UPK3B: variants seen among roughly 807,000 people sequenced by gnomAD.
The protein encoded by UPK3B is uroplakin 3B.
A neutral mutation model predicts 27.6 loss-of-function variants in UPK3B; 21 were observed. That is an observed-to-expected ratio of 0.76 (90% CI 0.54 to 1.10). The LOEUF (loss-of-function observed/expected upper bound fraction) is 1.10. Among genes scored for constraint, UPK3B ranks in the 50% least tolerant of loss-of-function variants. The pLI is 0.00. For missense variants in UPK3B, 306 were observed against 376.1 expected, an observed-to-expected ratio of 0.81 and a Z score of 1.54; for synonymous variants, 141 against 162.3, an observed-to-expected ratio of 0.87 and a Z score of 1.00.
rs1363225630 is a variant in UPK3B at position 76,516,222 on chromosome 7, G to C, written c.*1018G>C. On this transcript the variant is annotated 3_prime_UTR_variant, in exon 6 of 6. Transcript: ENST00000334348. Reference sequence around the variant, plus strand: ...ATGCCACGTTGGCGGGGTCGGTGAAGGTCAGGACTCTAGGCCTCCCTCCGC... The same window carrying C: ...ATGCCACGTTGGCGGGGTCGGTGAACGTCAGGACTCTAGGCCTCCCTCCGC... 8 of 611,888 alleles carry C rather than the reference G, an allele frequency of 1.3e-5. 3 individuals carry two copies. Among genetic ancestry groups the C allele is most frequent in the Non-Finnish European group, 1.5e-5 (8 of 529,980 alleles). 37.9% of individuals were successfully genotyped at this position (611,888 alleles called of 1,614,324 possible). A position where few individuals can be genotyped will look rare whatever the true frequency, so the allele number is the denominator to read the frequency against.
intron 4 of UPK3B, among the ~76,000 whole-genome samples, chr7:76,513,600 G>A (rs1057501927): frequency 1.3e-5 from 2 of 152,070 alleles, no homozygotes; most frequent in Admixed American, 6.5e-5. Context: ...GGGGGTGGGG[G>A]TCTCCTGGGA....
chr7:76,513,282 G>A (rs1812599721), intron 4 of UPK3B, 119 bp downstream of exon 4: 1 of 967,788 alleles, frequency 1.0e-6, no homozygotes, highest in African/African-American at 1.6e-5. Flanking sequence ...CCATGTCCAA[G>A]TCGGGCCCAG....
At chr7:76,513,820 G>A (rs965590881) in intron 4 of UPK3B, 127 bp from the exon 5 acceptor site, 36 of 1,420,514 alleles carry the variant, frequency 2.5e-5, no homozygotes, top group Middle Eastern at 2.6e-4. Flanking sequence ...TCAGGGGGGC[G>A]CCTGGGGATA....
At position 76,515,305 on chromosome 7, in the gene UPK3B, T is replaced by G; in HGVS notation, c.*101T>G. 6.5e-7 allele frequency: 1 copy of G among 1,527,270 alleles called. No homozygotes were observed. Among genetic ancestry groups the G allele is most frequent in the Non-Finnish European group, 8.8e-7 (1 of 1,134,066 alleles). The allele number at this position is 1,527,270 out of a possible 1,614,324, so 94.6% of individuals were successfully genotyped here. A position where few individuals can be genotyped will look rare whatever the true frequency, so the allele number is the denominator to read the frequency against. ...ACCCACAGGCCCCCTCAGGGCTCCTTGCCTTTCCCCCCCACCAGCACACCC... is the reference window on the plus strand; with the variant it reads ...ACCCACAGGCCCCCTCAGGGCTCCTGGCCTTTCCCCCCCACCAGCACACCC... On this transcript the variant is annotated 3_prime_UTR_variant, in exon 6 of 6. Coordinates refer to ENST00000334348, the MANE Select transcript of UPK3B (RefSeq NM_001347684.2).
chr7:76,513,409 C>G (rs531999389), intron 4 of UPK3B, among the ~76,000 whole-genome samples: 6 of 152,186 alleles, frequency 3.9e-5, no homozygotes, highest in East Asian at 1.9e-4. Flanking sequence ...CAGCCTCCCC[C>G]CTCCTGTAGG....
Position 76,515,296 on chromosome 7 carries a change from A to G in UPK3B, c.*92A>G. ...AGCTCCTGCACCCACAGGCCCCCTC[A>G]GGGCTCCTTGCCTTTCCCCCCCACC... is the stretch of plus-strand genomic sequence containing the variant. On this transcript the variant is annotated 3_prime_UTR_variant, in exon 6 of 6. Transcript: ENST00000334348. 6.5e-7 allele frequency: 1 copy of G among 1,533,762 alleles called. No homozygotes were observed. The highest frequency in any genetic ancestry group is 2.2e-4 in the Middle Eastern group (1 of 4,620).
rs1470978445 is a variant in UPK3B, at chr7:76,511,657, C to G, written c.236C>G (p.Ala79Gly). 1 of 1,586,186 alleles carries G rather than the reference C, an allele frequency of 6.3e-7. No individual in the cohort carries two copies. Among genetic ancestry groups the G allele is most frequent in the Non-Finnish European group, 8.6e-7 (1 of 1,166,498 alleles). The change falls in exon 3 of 6, where the codon GCC (alanine) becomes GGC (glycine). Residue 79 changes from alanine to glycine, a missense_variant and splice_region_variant. By Grantham distance (60) the Ala-to-Gly change is moderately conservative. Coordinates refer to ENST00000334348, the MANE Select transcript of UPK3B (RefSeq NM_001347684.2). ...CTCCATCTGTTCTCTCCTCCTGCAG[C>G]CTCCAGGGGCTTCCAGAACCCGGAG... The part of the protein sequence containing the change: ...TVWLVVAFSN[A>G]SRGFQNPETL...
Position 76,510,566 on chromosome 7 carries a change from G to C in UPK3B, c.-87G>C. 6 of 1,278,362 alleles carry C rather than the reference G, an allele frequency of 4.7e-6. No homozygotes were observed. The highest frequency in any genetic ancestry group is 6.1e-6 in the Non-Finnish European group (6 of 986,552). The allele number at this position is 1,278,362 out of a possible 1,614,324, so 79.2% of individuals were successfully genotyped here. A position where few individuals can be genotyped will look rare whatever the true frequency, so the allele number is the denominator to read the frequency against. ...GCCCCTGGGGCAGCCTGATTAACCA[G>C]CTTCTCCAGGGCCAAGCTGTTGGGG... is the stretch of plus-strand genomic sequence containing the variant. On this transcript the variant is annotated 5_prime_UTR_variant, in exon 1 of 6. Coordinates refer to ENST00000334348, the MANE Select transcript of UPK3B (RefSeq NM_001347684.2).
intron 5 of UPK3B, 117 bp from the exon 6 acceptor site, chr7:76,514,928 A>AAGAG (rs1295905557): frequency 2.0e-4 from 242 of 1,225,880 alleles, no homozygotes; most frequent in Admixed American, 3.2e-4. Flanking sequence ...AAAAAAAGAA[A>AAGAG]AGAGAGAGAG....
At chr7:76,513,335 AG>A (rs1305181906) in intron 4 of UPK3B, among the ~76,000 whole-genome samples, 172 bp downstream of exon 4, 1 of 152,148 alleles carries the variant, frequency 6.6e-6, no homozygotes, top group Non-Finnish European at 1.5e-5. Flanking sequence ...GCACCCAGCC[AG>A]CCCCCTCGGC....
At position 76,515,358 on chromosome 7, in the gene UPK3B, GC is replaced by G. The variant is rs200307123; in HGVS notation, c.*160del. ...TACCCTGCCTGGAATCCCAGCACCA[GC>G]CCCCCTGCCTCTCCTCTGCCTTTCT... On this transcript the variant is annotated 3_prime_UTR_variant, in exon 6 of 6. Transcript: ENST00000334348. 3.6e-3 allele frequency: 5,437 copies of G among 1,494,634 alleles called. 107 individuals are homozygous for G. The African/African-American group carries it at 0.04, about 11-fold the overall frequency. 92.6% of individuals were successfully genotyped at this position (1,494,634 alleles called of 1,614,324 possible). A position where few individuals can be genotyped will look rare whatever the true frequency, so the allele number is the denominator to read the frequency against.
chr7:76,513,915 G>A, intron 4 of UPK3B, 32 bp from the exon 5 acceptor site: 1 of 1,612,818 alleles, frequency 6.2e-7, no homozygotes, highest in African/African-American at 1.3e-5. Flanking sequence ...GGGTCGAGGG[G>A]CAGCCCCTCT....
rs1191787089 is a variant in UPK3B, at chr7:76,513,939, G to T, written c.542-8G>T. On this transcript the variant is annotated splice_region_variant and splice_polypyrimidine_tract_variant and intron_variant, in intron 4 of 5. Transcript: ENST00000334348. ...GGCAGCCCCTCTGAGCAGCTGGTGT[G>T]TGTGCAGGGAAGACCCCCGGATCCA... 1 of 1,613,876 alleles carries T rather than the reference G, an allele frequency of 6.2e-7. No individual in the cohort carries two copies. Among genetic ancestry groups the T allele is most frequent in the South Asian group, 1.1e-5 (1 of 91,084 alleles).
chr7:76,511,183 T>C (rs1348774154), intron 2 of UPK3B, 131 bp downstream of exon 2: 5 of 1,077,946 alleles, frequency 4.6e-6, no homozygotes, highest in Non-Finnish European at 6.5e-6. Flanking sequence ...TAGGTGTGGA[T>C]GAATTGGGCT....
chr7:76,513,236 C>T, intron 4 of UPK3B, 73 bp downstream of exon 4: 1 of 1,408,394 alleles, frequency 7.1e-7, no homozygotes, highest in Non-Finnish European at 9.9e-7. Flanking sequence ...CTGAGCTGGC[C>T]ACACCCCTGC....
In UPK3B at chr7:76,515,139, G is replaced by A. The variant is rs137995680; in HGVS notation, c.766G>A (p.Glu256Lys). 23,194 of 1,598,096 alleles carry A rather than the reference G, an allele frequency of 0.015. 242 individuals are homozygous for A. The highest frequency in any genetic ancestry group is 0.018 in the South Asian group (1,577 of 88,534). The change falls in exon 6 of 6, where the codon GAG becomes AAG. Residue 256 changes from glutamate to lysine, a missense_variant. By Grantham distance (56) the Glu-to-Lys change is moderately conservative (BLOSUM62 1). Transcript: ENST00000334348. ...CATGACCCACCACATCCCACCCAGAGAGGCCGCCACACTGCCGGTGGGCTG... is the reference window on the plus strand; with the variant it reads ...CATGACCCACCACATCCCACCCAGAAAGGCCGCCACACTGCCGGTGGGCTG... The part of the protein sequence containing the change: ...RYMTHHIPPR[E>K]AATLPVGCKP...
In UPK3B at chr7:76,511,510, G is replaced by A. The variant is rs545378754; in HGVS notation, c.236-147G>A. The A allele has an allele frequency of 1.4e-3, 1,104 of 790,590 alleles. 5 individuals are homozygous for A. In the African/African-American group the frequency reaches 0.017, roughly 12 times the overall value. The allele number at this position is 790,590 out of a possible 1,614,324, so 49.0% of individuals were successfully genotyped here. A position where few individuals can be genotyped will look rare whatever the true frequency, so the allele number is the denominator to read the frequency against. On this transcript the variant is annotated intron_variant, in intron 2 of 5. Transcript: ENST00000334348. ...GCTCCCCTTCAGGGGTAACAAAGTC[G>A]ACTGGGTCTGGACTATCTCTGGGGG...
At chr7:76,514,905 C>CAAAAAAAA (rs3972800) in intron 5 of UPK3B, 140 bp from the exon 6 acceptor site, 2 of 971,224 alleles carry the variant, frequency 2.1e-6, no homozygotes, top group Non-Finnish European at 2.8e-6. Context: ...GACTCCATCT[C>CAAAAAAAA]AAAAAAAAAA....
intron 5 of UPK3B, among the ~76,000 whole-genome samples, chr7:76,514,643 T>C (rs985202013): frequency 5.9e-5 from 9 of 152,050 alleles, no homozygotes; most frequent in African/African-American, 2.2e-4. Flanking sequence ...CAGTGGCACA[T>C]GCCTGTAATC....
Sources: gnomAD v4.1 joint callset for allele counts (sites outside exome capture counted in the v4.1 genomes callset) on GRCh38, gnomAD v4.1.1 for gene constraint, MANE v1.5 for transcripts, NCBI Gene and HGNC (gene_info 2026-07-23, HGNC 2026-07-21) for gene names.